The following PLEKHM1 variants were observed in gnomAD, a reference collection of about 807,000 sequenced individuals.
The protein encoded by PLEKHM1 is pleckstrin homology and RUN domain containing M1.
A neutral mutation model predicts 94.3 loss-of-function variants in PLEKHM1; 28 were observed. The ratio of observed to expected loss-of-function variants is 0.30; its 90% confidence interval spans 0.22 to 0.41. The LOEUF (loss-of-function observed/expected upper bound fraction) is 0.41. Ranked by LOEUF, PLEKHM1 falls within the 10% of genes least tolerant of loss-of-function variation. PLEKHM1 has a pLI of 1.00. For missense variants in PLEKHM1, 907 were observed against 1,358.6 expected (o/e 0.67, Z 5.22); for synonymous variants, 424 against 581.2 (o/e 0.73, Z 3.89).
chr17:45,459,085 G>A (rs1034574077), intron 5 of PLEKHM1, among the ~76,000 whole-genome samples: 6 of 151,990 alleles, frequency 3.9e-5, no homozygotes, highest in African/African-American at 1.2e-4. Context: ...CCGTGATCAC[G>A]CCACTGCCCT....
At chr17:45,454,636 G>A in intron 6 of PLEKHM1, 1 of 462,106 alleles carries the variant, frequency 2.2e-6, no homozygotes, top group East Asian at 4.2e-5. Context: ...CTCTCCCTTG[G>A]CCAACTACTC....
intron 5 of PLEKHM1, among the ~76,000 whole-genome samples, chr17:45,462,848 G>A (rs910894946): frequency 6.6e-6 from 1 of 152,112 alleles, no homozygotes; most frequent in Admixed American, 6.5e-5. Flanking sequence ...TTGGGAGGCC[G>A]AGGCAGGAAA....
At chr17:45,435,629 T>C (rs574209537), downstream of PLEKHM1, among the ~76,000 whole-genome samples, 2 of 152,338 alleles carry the variant, frequency 1.3e-5, no homozygotes, top group Admixed American at 6.5e-5. Flanking sequence ...TGAGTTGTTA[T>C]ACAAGTGTGG....
intron 4 of PLEKHM1, among the ~76,000 whole-genome samples, chr17:45,472,223 C>T (rs2051538566): frequency 6.7e-6 from 1 of 149,674 alleles, no homozygotes; most frequent in African/African-American, 2.6e-5. Flanking sequence ...TCTGTGGATG[C>T]TCAAGGACTA....
downstream of PLEKHM1, chr17:45,435,869 T>A: frequency 2.3e-6 from 1 of 437,016 alleles, no homozygotes; most frequent in Non-Finnish European, 4.6e-6. Context: ...CCCCTGGCCG[T>A]GGCAGTGTTA....
chr17:45,442,641 G>A (rs1360430533), intron 9 of PLEKHM1, among the ~76,000 whole-genome samples: 1 of 152,226 alleles, frequency 6.6e-6, no homozygotes, highest in Non-Finnish European at 1.5e-5. Context: ...CTGACCGTAG[G>A]TGATCCAACC....
intron 5 of PLEKHM1, among the ~76,000 whole-genome samples, chr17:45,464,701 C>T (rs1020638371): frequency 6.6e-6 from 1 of 152,152 alleles, no homozygotes; most frequent in African/African-American, 2.4e-5. Flanking sequence ...TGTCACATTC[C>T]CTAAGCAACC....
intron 7 of PLEKHM1, among the ~76,000 whole-genome samples, chr17:45,451,342 C>T (rs2050769199): frequency 6.6e-6 from 1 of 152,156 alleles, no homozygotes; most frequent in South Asian, 2.1e-4. Context: ...TGGCTTCAGC[C>T]CCCTTGGTTG....
In PLEKHM1 at chr17:45,475,601, T is replaced by G. The variant is rs372384601; in HGVS notation, c.422A>C (p.Glu141Ala). The stretch of plus-strand genomic sequence containing the variant: ...GTAGTACTCATGCAAGCGGGCCTGC[T>G]CCTGCAGCAGCAGCTTCAGGTAGCA... The part of the protein sequence containing the change: ...MECYLKLLLQ[E>A]QARLHEYYQP... Residue 141 changes from glutamate to alanine, a missense_variant, in exon 4 of 12, where the codon GAG becomes GCG. This residue lies in a region of PLEKHM1 where 176 missense variants were observed against 306.0 expected (regional missense o/e 0.58). Coordinates refer to ENST00000430334, the MANE Select transcript of PLEKHM1 (RefSeq NM_014798.3). The G allele has an allele frequency of 4.2e-5, 68 of 1,613,858 alleles. No homozygotes were observed. The highest frequency in any genetic ancestry group is 5.7e-5 in the Non-Finnish European group (67 of 1,179,920).
At chr17:45,471,192 G>A (rs1184228844) in intron 4 of PLEKHM1, among the ~76,000 whole-genome samples, 1 of 151,746 alleles carries the variant, frequency 6.6e-6, no homozygotes. Context: ...CACATGAAAA[G>A]ACACTCAACA....
At chr17:45,482,939 C>T (rs1396784132) in intron 1 of PLEKHM1, among the ~76,000 whole-genome samples, 1 of 151,784 alleles carries the variant, frequency 6.6e-6, no homozygotes, top group Non-Finnish European at 1.5e-5. Flanking sequence ...GAAGCAGGGG[C>T]TCACAGGCTC....
At chr17:45,469,492 C>T (rs1439638361) in intron 4 of PLEKHM1, among the ~76,000 whole-genome samples, 3 of 152,198 alleles carry the variant, frequency 2.0e-5, no homozygotes, top group South Asian at 2.1e-4. Flanking sequence ...AACCCGTTTG[C>T]TATCTCTTCT....
At chr17:45,438,526 C>G (rs1273371946) in intron 11 of PLEKHM1, among the ~76,000 whole-genome samples, 3 of 150,864 alleles carry the variant, frequency 2.0e-5, no homozygotes, top group African/African-American at 7.3e-5. Flanking sequence ...AGCAAGACTC[C>G]ATCTCAAAAA....
At chr17:45,471,368 T>C (rs1490828055) in intron 4 of PLEKHM1, among the ~76,000 whole-genome samples, 1 of 142,730 alleles carries the variant, frequency 7.0e-6, no homozygotes, top group Non-Finnish European at 1.5e-5. Context: ...ATGATGCAAC[T>C]ACTGCAGAAA....
chr17:45,490,649 C>T lies in PLEKHM1; in HGVS notation c.-42+3G>A, dbSNP rs1274828730. 9 of 450,074 alleles carry T rather than the reference C, an allele frequency of 2.0e-5. No individual in the cohort carries two copies. Among genetic ancestry groups the T allele is most frequent in the Admixed American group, 7.1e-5 (3 of 42,334 alleles). The allele number at this position is 450,074 out of a possible 1,614,324, so 27.9% of individuals were successfully genotyped here. On this transcript the variant is annotated splice_donor_region_variant and intron_variant, in intron 1 of 11. Transcript: ENST00000430334. ...CTCCTCGCATCTTGACCCCCTAACT[C>T]ACCAAGCGGAGCGAGGAGCGAGGCG...
intron 2 of PLEKHM1, 135 bp from the exon 3 acceptor site, chr17:45,478,282 C>T: frequency 1.9e-6 from 2 of 1,034,998 alleles, no homozygotes; most frequent in Non-Finnish European, 3.0e-6. Context: ...CTGTAGATTC[C>T]TTCTGCAAAA....
intron 1 of PLEKHM1, among the ~76,000 whole-genome samples, chr17:45,487,500 G>C (rs993596566): frequency 4.2e-4 from 64 of 152,180 alleles, no homozygotes; most frequent in African/African-American, 1.5e-3. Context: ...AAACCAACAA[G>C]AAACAGTTCT....
At chr17:45,449,354 C>G (rs148073997) in intron 8 of PLEKHM1, among the ~76,000 whole-genome samples, 1 of 151,856 alleles carries the variant, frequency 6.6e-6, no homozygotes, top group Non-Finnish European at 1.5e-5. Flanking sequence ...ATCTAGCCAT[C>G]TGCCCATTCA....
chr17:45,483,824 C>T (rs1202949654), intron 1 of PLEKHM1, among the ~76,000 whole-genome samples: 1 of 152,136 alleles, frequency 6.6e-6, no homozygotes, highest in East Asian at 1.9e-4. Context: ...CCTGACTCCA[C>T]CACCAGCCCC....
Sources: allele counts gnomAD v4.1 joint callset (sites outside exome capture counted in the v4.1 genomes callset), GRCh38; gene constraint gnomAD v4.1.1; regional missense constraint gnomAD v4.1.1; transcripts MANE v1.5; gene names NCBI Gene and HGNC (gene_info 2026-07-23, HGNC 2026-07-21).